The following MBP variants were observed in gnomAD, a reference collection of about 807,000 sequenced individuals.
MBP encodes myelin basic protein, also known as Golli-MBP.
In MBP, 16 loss-of-function variants were observed where a neutral mutation model predicts 35.8. The observed-to-expected ratio is 0.45, with a 90% CI of 0.30 to 0.68. MBP has a LOEUF of 0.68. Among genes scored for constraint, MBP ranks in the 30% least tolerant of loss-of-function variants. MBP has a pLI of 0.08. For missense variants in MBP, 380 were observed against 404.7 expected (o/e 0.94, Z 0.52); for synonymous variants, 143 against 159.6 (o/e 0.90, Z 0.78).
At chr18:77,051,116 T>TA (rs1301625839) in intron 3 of MBP, among the ~76,000 whole-genome samples, 3 of 152,224 alleles carry the variant, frequency 2.0e-5, no homozygotes, top group Non-Finnish European at 4.4e-5. Flanking sequence ...TTCTATTATC[T>TA]AGGTGGGCTC....
chr18:77,063,137 C>T (rs1489841089), intron 3 of MBP, among the ~76,000 whole-genome samples: 3 of 152,168 alleles, frequency 2.0e-5, no homozygotes, highest in African/African-American at 7.2e-5. Flanking sequence ...TTATACATTA[C>T]AATTTTAAAA....
In MBP at chr18:77,102,984, TA is replaced by T. The variant is rs1331231438; in HGVS notation, c.51+2226del. ...CAGTTTAAGTATGGGCTGAACAAAATAATGAGTCACCCTCCCATTCAACATT... is the reference window on the plus strand; with the variant it reads ...CAGTTTAAGTATGGGCTGAACAAAATATGAGTCACCCTCCCATTCAACATT... On this transcript the variant is annotated intron_variant, in intron 2 of 8. Transcript: ENST00000355994. The surrounding 1 kb of genome is among the most constrained non-coding windows in gnomAD (Gnocchi z 4.4). Among the ~76,000 whole-genome samples, 7 of 136,336 alleles carry T rather than the reference TA, an allele frequency of 5.1e-5. No homozygotes were observed. Among genetic ancestry groups the T allele is most frequent in the Non-Finnish European group, 1.2e-4 (7 of 57,644 alleles). 89.4% of individuals were successfully genotyped at this position (136,336 alleles called of 152,430 possible).
rs1188232766 is a variant in MBP, at chr18:77,054,461, G to GAGC, written c.139+11836_139+11837insGCT. ...TTGGAGAGGCCCCTGGGGAACAGGT[G>GAGC]GAGGGGATTTGAGCAGGGAGCGAGG... On this transcript the variant is annotated intron_variant, in intron 3 of 8. Coordinates refer to ENST00000355994, the MANE Select transcript of MBP (RefSeq NM_001025101.2). Among the ~76,000 whole-genome samples the GAGC allele has an allele frequency of 2.0e-5, 3 of 152,192 alleles. No individual in the cohort carries two copies. In the East Asian group the frequency reaches 5.8e-4, roughly 29 times the overall value.
intron 3 of MBP, among the ~76,000 whole-genome samples, chr18:77,043,529 C>A (rs977732573): frequency 6.6e-6 from 1 of 152,194 alleles, no homozygotes; most frequent in Non-Finnish European, 1.5e-5. Context: ...GCTGCAGGCA[C>A]CCCGGGGACC....
rs990250745 is a variant in MBP, at chr18:77,131,805, G to C, written c.-26+775C>G. Reference sequence around the variant, plus strand: ...GCACCCGGCCCAGGACAGGCAGTGGGGCCCAGGAGGGGACTGCCGGGAAGA... The same window carrying C: ...GCACCCGGCCCAGGACAGGCAGTGGCGCCCAGGAGGGGACTGCCGGGAAGA... On this transcript the variant is annotated intron_variant, in intron 1 of 8. Transcript: ENST00000355994. This position sits in a 1 kb window ranked among gnomAD's most constrained non-coding sequence, Gnocchi z 5.5. 1 of 152,322 alleles carries C rather than the reference G, an allele frequency of 6.6e-6. No individual in the cohort carries two copies. The highest frequency in any genetic ancestry group is 1.5e-5 in the Non-Finnish European group (1 of 68,172). 9.4% of individuals were successfully genotyped at this position (152,322 alleles called of 1,614,324 possible). A position where few individuals can be genotyped will look rare whatever the true frequency, so the allele number is the denominator to read the frequency against.
intron 4 of MBP, among the ~76,000 whole-genome samples, chr18:76,993,134 TG>T (rs752505301): frequency 1.3e-5 from 2 of 152,218 alleles, no homozygotes; most frequent in South Asian, 2.1e-4. Context: ...TTCTCTGCAC[TG>T]GGCCTCATTA....
chr18:77,064,379 A>G (rs893178905), intron 3 of MBP, among the ~76,000 whole-genome samples: 1 of 152,172 alleles, frequency 6.6e-6, no homozygotes, highest in African/African-American at 2.4e-5. Flanking sequence ...GAAGGCGGTG[A>G]GTTATGCTCA....
intron 4 of MBP, among the ~76,000 whole-genome samples, chr18:77,009,283 A>T (rs1323834103): frequency 1.3e-5 from 2 of 152,202 alleles, no homozygotes; most frequent in Non-Finnish European, 2.9e-5. Context: ...CCACACAAGG[A>T]GAAGAGGACA....
At position 76,984,901 on chromosome 18, in the gene MBP, G is replaced by C. The variant is rs746029022; in HGVS notation, c.751-7C>G. On this transcript the variant is annotated splice_polypyrimidine_tract_variant and splice_region_variant and intron_variant, in intron 7 of 8. Coordinates refer to ENST00000355994, the MANE Select transcript of MBP (RefSeq NM_001025101.2). ...GTCTCTGGCCTTCGGCCCCCTGCAA[G>C]AGAAGACCACGGAGCTCAACCTCCA... 2 of 1,612,880 alleles carry C rather than the reference G, an allele frequency of 1.2e-6. No individual in the cohort carries two copies. The highest frequency in any genetic ancestry group is 1.1e-5 in the South Asian group (1 of 91,046).
At chr18:77,025,704 A>AATTTTTTTT (rs1972185043) in intron 3 of MBP, among the ~76,000 whole-genome samples, 1 of 57,026 alleles carries the variant, frequency 1.8e-5, no homozygotes, top group Non-Finnish European at 3.1e-5. Context: ...CTATTGAAAT[A>AATTTTTTTT]CTTTTTTTTT....
Position 77,098,402 on chromosome 18 carries a change from G to A in MBP, c.51+6809C>T, listed in dbSNP as rs1047997286. 5.9e-5 allele frequency among the ~76,000 whole-genome samples: 9 copies of A among 152,056 alleles called. No homozygotes were observed. In the East Asian group the frequency reaches 1.5e-3, roughly 26 times the overall value. On this transcript the variant is annotated intron_variant, in intron 2 of 8. Coordinates refer to ENST00000355994, the MANE Select transcript of MBP (RefSeq NM_001025101.2). ...TGAAGCCGGAATTTTCATGTACAAA[G>A]TTTATCACTGTCCTATGCAGAGTGG...
chr18:77,045,330 G>C (rs112222881), intron 3 of MBP, among the ~76,000 whole-genome samples: 16,004 of 152,096 alleles, frequency 0.11, 1,226 homozygotes, highest in East Asian at 0.32. Flanking sequence ...TCTGGAGCCC[G>C]GCTGCCAGTA....
chr18:77,041,414 C>A (rs1972984234), intron 3 of MBP, among the ~76,000 whole-genome samples: 1 of 152,128 alleles, frequency 6.6e-6, no homozygotes, highest in Non-Finnish European at 1.5e-5. Flanking sequence ...TTGACCCAGC[C>A]ATCCCATTAC....
chr18:76,998,137 T>C (rs1369468554), intron 4 of MBP, among the ~76,000 whole-genome samples: 1 of 152,178 alleles, frequency 6.6e-6, no homozygotes, highest in African/African-American at 2.4e-5. Context: ...CTCTCCAGCT[T>C]CCCGAACTGA....
chr18:77,098,289 C>T (rs551535267), intron 2 of MBP, among the ~76,000 whole-genome samples: 148 of 149,202 alleles, frequency 9.9e-4, no homozygotes, highest in Non-Finnish European at 1.4e-3. Flanking sequence ...ACTCACTTTA[C>T]ATAATGTTAT....
chr18:76,985,848 C>A lies in MBP; in HGVS notation c.751-954G>T, dbSNP rs546495605. ...AGGCTGCCAGCTCTGGGCTTTGGTG[C>A]CAGCTGTCATTTATGGAAGAGCAGG... On this transcript the variant is annotated intron_variant, in intron 7 of 8. Coordinates refer to ENST00000355994, the MANE Select transcript of MBP (RefSeq NM_001025101.2). The A allele has an allele frequency of 4.2e-4, 417 of 988,608 alleles. 1 individual carries two copies. The highest frequency in any genetic ancestry group is 2.6e-3 in the Middle Eastern group (5 of 1,922). The allele number at this position is 988,608 out of a possible 1,614,324, so 61.2% of individuals were successfully genotyped here.
At chr18:77,043,996 T>G (rs930912469) in intron 3 of MBP, among the ~76,000 whole-genome samples, 25 of 149,402 alleles carry the variant, frequency 1.7e-4, no homozygotes, top group Non-Finnish European at 2.2e-4. Flanking sequence ...TGTCTCCTGA[T>G]TTCTGCGTTT....
Position 77,084,431 on chromosome 18 carries a change from C to CCACACACACA in MBP, c.52-18056_52-18047dup, listed in dbSNP as rs60010988. On this transcript the variant is annotated intron_variant, in intron 2 of 8. Transcript: ENST00000355994. ...ACACCGCCCCCCCCGCCACACCACA[C>CCACACACACA]CACACACACACACACACACACACAC... 4.4e-3 allele frequency among the ~76,000 whole-genome samples: 466 copies of CCACACACACA among 105,940 alleles called. 3 individuals carry two copies. Among genetic ancestry groups the CCACACACACA allele is most frequent in the African/African-American group, 8.7e-3 (251 of 28,744 alleles). The allele number at this position is 105,940 out of a possible 152,430, so 69.5% of individuals were successfully genotyped here.
chr18:77,057,058 G>T (rs1973755772), intron 3 of MBP, among the ~76,000 whole-genome samples: 1 of 152,184 alleles, frequency 6.6e-6, no homozygotes, highest in African/African-American at 2.4e-5. Flanking sequence ...CCCAAGAACT[G>T]CCTGGGTACT....
Sources: gnomAD v4.1 joint callset for allele counts (sites outside exome capture counted in the v4.1 genomes callset) on GRCh38, gnomAD v4.1.1 for gene constraint, Gnocchi (gnomAD v3.1) non-coding constraint, MANE v1.5 for transcripts, NCBI Gene and HGNC (gene_info 2026-07-23, HGNC 2026-07-21) for gene names.